Variants in ABCA13 observed in about 807,000 individuals in gnomAD.
The protein encoded by ABCA13 is ATP-binding cassette sub-family A member 13.
A neutral mutation model predicts 478.7 loss-of-function variants in ABCA13; 476 were observed. The observed-to-expected ratio is 0.99, with a 90% CI of 0.92 to 1.07. The LOEUF is 1.07. ABCA13 is among the 50% of genes least tolerant of loss of function. The pLI is 0.00. For missense variants in ABCA13, 6,060 were observed against 5,910.6 expected (o/e 1.03, Z -0.83); for synonymous variants, 2,252 against 2,158.9 (o/e 1.04, Z -1.20).
chr7:48,532,784 T>C lies in ABCA13; in HGVS notation c.14354+4439T>C, dbSNP rs1049374953. 3.3e-5 allele frequency among the ~76,000 whole-genome samples: 5 copies of C among 152,180 alleles called. No homozygotes were observed. The East Asian group carries it at 9.6e-4, about 29-fold the overall frequency. ...CATCTCCTTCAGGTTTCCTAATTTATGTGTGTGAAGGTGTTTATACTAGAA... is the reference window on the plus strand; with the variant it reads ...CATCTCCTTCAGGTTTCCTAATTTACGTGTGTGAAGGTGTTTATACTAGAA... On this transcript the variant is annotated intron_variant, in intron 55 of 61. Transcript: ENST00000435803.
chr7:48,461,644 C>CCT (rs150060083), intron 43 of ABCA13, among the ~76,000 whole-genome samples: 2,794 of 152,170 alleles, frequency 0.018, 75 homozygotes, highest in African/African-American at 0.062. Flanking sequence ...GGCCCCTCAC[C>CCT]CTGGGTGAAC....
intron 35 of ABCA13, among the ~76,000 whole-genome samples, chr7:48,385,881 G>A (rs531806790): frequency 1.3e-5 from 2 of 152,104 alleles, no homozygotes; most frequent in African/African-American, 4.8e-5. Flanking sequence ...ATCTCATTGT[G>A]GTTTCGATTT....
intron 30 of ABCA13, among the ~76,000 whole-genome samples, chr7:48,351,212 T>C (rs1219987772): frequency 6.6e-6 from 1 of 152,234 alleles, no homozygotes; most frequent in Non-Finnish European, 1.5e-5. Flanking sequence ...TATCTTGATA[T>C]CCTGGTTGGG....
chr7:48,430,416 C>T (rs1172324601), intron 42 of ABCA13, among the ~76,000 whole-genome samples: 3 of 152,008 alleles, frequency 2.0e-5, no homozygotes, highest in Admixed American at 2.0e-4. Flanking sequence ...TGGCTCACGC[C>T]TGTAATCCCA....
chr7:48,247,580 T>G (rs1791893670), intron 13 of ABCA13, among the ~76,000 whole-genome samples: 1 of 152,156 alleles, frequency 6.6e-6, no homozygotes, highest in Non-Finnish European at 1.5e-5. Flanking sequence ...GGGTGGTTCT[T>G]CTGATGGTCT....
chr7:48,187,309 T>C (rs1056000175), intron 1 of ABCA13, among the ~76,000 whole-genome samples: 1 of 148,596 alleles, frequency 6.7e-6, no homozygotes, highest in Non-Finnish European at 1.5e-5. Flanking sequence ...GTAGTAGTAA[T>C]AGTTTATTTT....
chr7:48,527,590 A>G (rs1317223822), intron 54 of ABCA13, among the ~76,000 whole-genome samples: 1 of 152,214 alleles, frequency 6.6e-6, no homozygotes, highest in Non-Finnish European at 1.5e-5. Context: ...CATTGGCTGT[A>G]AGGCGAGATT....
chr7:48,259,545 T>C (rs1326086873), intron 15 of ABCA13, among the ~76,000 whole-genome samples: 1 of 152,152 alleles, frequency 6.6e-6, no homozygotes, highest in African/African-American at 2.4e-5. Context: ...CTTACTTCTT[T>C]ATCCAACTTC....
chr7:48,240,100 T>C (rs1790589469), intron 9 of ABCA13, among the ~76,000 whole-genome samples: 1 of 152,212 alleles, frequency 6.6e-6, no homozygotes, highest in African/African-American at 2.4e-5. Context: ...AGAACACACC[T>C]CTTTAACTTT....
At chr7:48,628,012 T>A (rs1793822111) in intron 59 of ABCA13, among the ~76,000 whole-genome samples, 1 of 152,068 alleles carries the variant, frequency 6.6e-6, no homozygotes, top group Admixed American at 6.6e-5. Flanking sequence ...GCTACCACAT[T>A]GAGGAATTGA....
Position 48,372,431 on chromosome 7 carries a change from C to G in ABCA13, c.11067C>G (p.Ser3689Arg). 1.2e-6 allele frequency: 2 copies of G among 1,613,200 alleles called. No homozygotes were observed. Among genetic ancestry groups the G allele is most frequent in the South Asian group, 2.2e-5 (2 of 91,056 alleles). Reference sequence around the variant, plus strand: ...GTACCAGCCTGGTGTACATGATCAGCTTTCTGCCCTACATAGTTCTATTGG... The same window carrying G: ...GTACCAGCCTGGTGTACATGATCAGGTTTCTGCCCTACATAGTTCTATTGG... ...ALCTSLVYMI[S>R]FLPYIVLLVL... The change falls in exon 33 of 62, where the codon AGC becomes AGG. Residue 3689 changes from serine (S) to arginine (R), a missense_variant. By Grantham distance (110) the Ser-to-Arg change is moderately radical. Around this residue, in one of 3 missense-constraint regions of ABCA13, gnomAD observed 4,423 missense variants for 4,309.1 expected, o/e 1.03. Coordinates refer to ENST00000435803, the MANE Select transcript of ABCA13 (RefSeq NM_152701.5).
intron 55 of ABCA13, among the ~76,000 whole-genome samples, chr7:48,579,715 A>C (rs1279342817): frequency 6.6e-6 from 1 of 152,144 alleles, no homozygotes. Context: ...TGTACCATAT[A>C]AGGCTAAACA....
At chr7:48,610,648 G>T (rs7812121) in intron 58 of ABCA13, among the ~76,000 whole-genome samples, 15,446 of 152,252 alleles carry the variant, frequency 0.1, 1,301 homozygotes, top group African/African-American at 0.23. Flanking sequence ...TGTTTGGACA[G>T]CCAGGTGTTT....
chr7:48,620,366 C>T (rs10254535), intron 59 of ABCA13, among the ~76,000 whole-genome samples: 58,542 of 151,950 alleles, frequency 0.39, 12,161 homozygotes, highest in African/African-American at 0.53. Context: ...GCAGCATGAC[C>T]ATTTTAAATG....
chr7:48,450,166 T>C (rs1220842403), intron 42 of ABCA13, among the ~76,000 whole-genome samples: 1 of 152,208 alleles, frequency 6.6e-6, no homozygotes, highest in Non-Finnish European at 1.5e-5. Context: ...CAACCTCTCT[T>C]GAACTGGATT....
intron 5 of ABCA13, among the ~76,000 whole-genome samples, chr7:48,225,655 C>T (rs1788101215): frequency 6.6e-6 from 1 of 152,134 alleles, no homozygotes; most frequent in Admixed American, 6.5e-5. Context: ...ATTTTGTAGA[C>T]TATCTATCTC....
chr7:48,191,452 C>T (rs1048779495), intron 1 of ABCA13, among the ~76,000 whole-genome samples: 1 of 152,142 alleles, frequency 6.6e-6, no homozygotes, highest in African/African-American at 2.4e-5. Flanking sequence ...GCCAGGCTGG[C>T]GTGCAGTGTG....
chr7:48,481,179 C>T (rs1828719824), intron 46 of ABCA13, 25 bp downstream of exon 46: 3 of 1,503,738 alleles, frequency 2.0e-6, no homozygotes, highest in Non-Finnish European at 2.7e-6. Flanking sequence ...CTTGTTGGGT[C>T]TTTACTTGTT....
intron 5 of ABCA13, among the ~76,000 whole-genome samples, chr7:48,223,979 A>AGG (rs1023340316): frequency 7.2e-6 from 1 of 139,564 alleles, no homozygotes; most frequent in Non-Finnish European, 1.5e-5. Context: ...AAAAAAAAAG[A>AGG]GAGAGAGAGA....
Sources: allele counts gnomAD v4.1 joint callset (sites outside exome capture counted in the v4.1 genomes callset), GRCh38; gene constraint gnomAD v4.1.1; regional missense constraint gnomAD v4.1.1; transcripts MANE v1.5; gene names NCBI Gene and HGNC (gene_info 2026-07-23, HGNC 2026-07-21).